The following LIMCH1 variants were observed in gnomAD, a reference collection of about 807,000 sequenced individuals.
LIMCH1 encodes LIM and calponin homology domains-containing protein 1.
LIMCH1 carries 113 observed loss-of-function variants against 176.5 expected under a neutral mutation model. The ratio of observed to expected loss-of-function variants is 0.64; its 90% confidence interval spans 0.55 to 0.75. LIMCH1 has a LOEUF of 0.75. Among genes scored for constraint, LIMCH1 ranks in the 30% least tolerant of loss-of-function variants. The pLI, the probability that LIMCH1 is intolerant of heterozygous loss-of-function variation, is 0.00. For synonymous variants in LIMCH1, 619 were observed against 645.9 expected, an observed-to-expected ratio of 0.96 and a Z score of 0.63; for missense variants, 1,674 against 1,814.9, an observed-to-expected ratio of 0.92 and a Z score of 1.41.
chr4:41,475,274 G>A (rs1199691113), intron 1 of LIMCH1, among the ~76,000 whole-genome samples: 1 of 152,160 alleles, frequency 6.6e-6, no homozygotes, highest in African/African-American at 2.4e-5. Context: ...TACATGCTTT[G>A]TTTTCAATCA....
chr4:41,598,865 G>A, intron 1 of LIMCH1, 55 bp from the exon 2 acceptor site: 1 of 1,194,206 alleles, frequency 8.4e-7, no homozygotes, highest in Non-Finnish European at 1.2e-6. Flanking sequence ...GGAGGGGCTG[G>A]TTCATAAAGA....
intron 1 of LIMCH1, among the ~76,000 whole-genome samples, chr4:41,597,767 C>A (rs566920255): frequency 9.2e-5 from 14 of 152,288 alleles, no homozygotes; most frequent in Non-Finnish European, 1.9e-4. Context: ...AACTCCAAGT[C>A]AACTTGCTAG....
chr4:41,468,400 CCCTT>C (rs900915906), intron 1 of LIMCH1, among the ~76,000 whole-genome samples: 9 of 133,410 alleles, frequency 6.7e-5, no homozygotes, highest in African/African-American at 1.7e-4. Context: ...CTCCCTTCCT[CCCTT>C]CCTTCCTTCC....
chr4:41,697,016 C>T (rs1474925049), intron 31 of LIMCH1, 144 bp from the exon 32 acceptor site: 10 of 769,054 alleles, frequency 1.3e-5, no homozygotes, highest in African/African-American at 3.4e-5. Context: ...GGCCACACTT[C>T]AAGTAGCAGG....
chr4:41,673,226 G>A (rs958392234), intron 22 of LIMCH1, among the ~76,000 whole-genome samples: 1 of 152,076 alleles, frequency 6.6e-6, no homozygotes, highest in Admixed American at 6.6e-5. Flanking sequence ...GAGTTTCCTG[G>A]GAAGCTGAGT....
chr4:41,620,352 G>A (rs540743448), intron 6 of LIMCH1, 72 bp from the exon 7 acceptor site: 93 of 1,353,428 alleles, frequency 6.9e-5, no homozygotes, highest in African/African-American at 6.8e-4. Flanking sequence ...TCAGAATAGC[G>A]GGGAGATGAC....
At chr4:41,442,602 A>C (rs1207109180) in intron 1 of LIMCH1, among the ~76,000 whole-genome samples, 1 of 152,178 alleles carries the variant, frequency 6.6e-6, no homozygotes, top group Non-Finnish European at 1.5e-5. Flanking sequence ...GGTTGAAATC[A>C]CCTGCATTTT....
chr4:41,508,269 T>G (rs2074421420), intron 2 of LIMCH1, among the ~76,000 whole-genome samples: 1 of 152,118 alleles, frequency 6.6e-6, no homozygotes. Flanking sequence ...TTTGAAGAAA[T>G]CAGCAGCACC....
chr4:41,586,714 A>AT (rs1409985956), intron 1 of LIMCH1, among the ~76,000 whole-genome samples: 1 of 152,122 alleles, frequency 6.6e-6, no homozygotes, highest in Admixed American at 6.5e-5. Flanking sequence ...TAGTTCAGTA[A>AT]TTTTTTGGAG....
chr4:41,696,492 T>C (rs565707613), intron 31 of LIMCH1, among the ~76,000 whole-genome samples: 2 of 152,318 alleles, frequency 1.3e-5, no homozygotes, highest in Non-Finnish European at 1.5e-5. Flanking sequence ...AGATAAAATA[T>C]AAGATACCTA....
intron 1 of LIMCH1, among the ~76,000 whole-genome samples, chr4:41,384,383 T>TA (rs1439698284): frequency 1.3e-5 from 2 of 151,782 alleles, no homozygotes; most frequent in Non-Finnish European, 2.9e-5. Flanking sequence ...TTTTTTTTTT[T>TA]ATTTTTAGTA....
intron 4 of LIMCH1, among the ~76,000 whole-genome samples, chr4:41,608,766 T>C (rs2091054110): frequency 6.6e-6 from 1 of 152,108 alleles, no homozygotes; most frequent in African/African-American, 2.4e-5. Flanking sequence ...AAGTGGCACT[T>C]CAGCTGAACA....
Position 41,619,427 on chromosome 4 carries a change from G to C in LIMCH1, c.445G>C (p.Glu149Gln), listed in dbSNP as rs868375839. ...TACCGCCACCTCCCCGCTGGGTGGGGAGAGGCCCTTCAGGTAAGGCCTGAG... is the reference window on the plus strand; with the variant it reads ...TACCGCCACCTCCCCGCTGGGTGGGCAGAGGCCCTTCAGGTAAGGCCTGAG... ...WSTATSPLGG[E>Q]RPFSFPETIE... The change falls in exon 6 of 32, where the codon GAG becomes CAG. Residue 149 changes from glutamate to glutamine, a missense_variant. Transcript: ENST00000503057. The C allele has an allele frequency of 1.7e-5, 27 of 1,609,612 alleles. No individual in the cohort carries two copies. The highest frequency in any genetic ancestry group is 2.2e-5 in the Non-Finnish European group (26 of 1,180,004).
chr4:41,693,213 A>G (rs939276478), intron 31 of LIMCH1: 1 of 152,208 alleles, frequency 6.6e-6, no homozygotes, highest in Non-Finnish European at 1.5e-5. Context: ...AAACTCTTTT[A>G]AAAAATTGGA....
intron 1 of LIMCH1, among the ~76,000 whole-genome samples, chr4:41,565,398 G>GAC (rs147927797): frequency 0.048 from 6,326 of 131,174 alleles, 474 homozygotes; most frequent in African/African-American, 0.16. Flanking sequence ...CACACACACA[G>GAC]ACACACACAC....
chr4:41,553,106 G>T (rs2080738142), intron 1 of LIMCH1, among the ~76,000 whole-genome samples: 1 of 152,206 alleles, frequency 6.6e-6, no homozygotes, highest in Non-Finnish European at 1.5e-5. Flanking sequence ...CTTCTGGAGT[G>T]ATGGCCAGTT....
intron 21 of LIMCH1, among the ~76,000 whole-genome samples, chr4:41,667,453 A>C (rs539471211): frequency 6.6e-6 from 1 of 152,238 alleles, no homozygotes; most frequent in South Asian, 2.1e-4. Context: ...CTAAAGATTT[A>C]AAAATGTTTA....
chr4:41,436,292 A>G (rs1312432371), intron 1 of LIMCH1, among the ~76,000 whole-genome samples: 1 of 151,982 alleles, frequency 6.6e-6, no homozygotes, highest in East Asian at 1.9e-4. Context: ...AGATGGCATG[A>G]CATTTGTCTG....
chr4:41,450,415 A>G lies in LIMCH1; in HGVS notation c.97-44121A>G, dbSNP rs114876283. On this transcript the variant is annotated intron_variant, in intron 1 of 26. Coordinates refer to the LIMCH1 transcript ENST00000313860. ...GAATGGAGTGGGGTCACTGGCATAT[A>G]GTTGGCACTTCATGAGCGTCTGTGG... Among the ~76,000 whole-genome samples, 888 of 152,246 alleles carry G rather than the reference A, an allele frequency of 5.8e-3. 11 individuals are homozygous for G. Among genetic ancestry groups the G allele is most frequent in the African/African-American group, 0.02 (837 of 41,542 alleles).
Sources: gnomAD v4.1 joint callset for allele counts (sites outside exome capture counted in the v4.1 genomes callset) on GRCh38, gnomAD v4.1.1 for gene constraint, MANE v1.5 for transcripts, NCBI Gene and HGNC (gene_info 2026-07-23, HGNC 2026-07-21) for gene names.